ABCG1: variants seen among roughly 807,000 people sequenced by gnomAD.
ABCG1 encodes the protein ATP-binding cassette sub-family G member 1.
In ABCG1, 29 loss-of-function variants were observed where a neutral mutation model predicts 69.2. The ratio of observed to expected loss-of-function variants is 0.42; its 90% confidence interval spans 0.31 to 0.57. The LOEUF is 0.57. Among genes scored for constraint, ABCG1 ranks in the 20% least tolerant of loss-of-function variants. ABCG1 has a pLI of 0.15. For synonymous variants in ABCG1, 370 were observed against 374.8 expected (o/e 0.99, Z 0.15); for missense variants, 718 against 898.1 (o/e 0.80, Z 2.56).
chr21:42,272,592 A>G (rs1178626031), intron 3 of ABCG1, among the ~76,000 whole-genome samples: 1 of 152,234 alleles, frequency 6.6e-6, no homozygotes, highest in Non-Finnish European at 1.5e-5. Context: ...CACAGTGTGT[A>G]GACTGCCTGT....
intron 2 of ABCG1, among the ~76,000 whole-genome samples, chr21:42,243,489 T>TGTGTGTGC (rs992407170): frequency 7.2e-6 from 1 of 139,784 alleles, no homozygotes; most frequent in Non-Finnish European, 1.5e-5. Flanking sequence ...TGTGTGTGTG[T>TGTGTGTGC]GCGCTGGTTT....
intron 2 of ABCG1, among the ~76,000 whole-genome samples, chr21:42,263,152 G>A (rs767039750): frequency 2.6e-5 from 4 of 152,168 alleles, no homozygotes; most frequent in East Asian, 1.9e-4. Context: ...CTTCTAGACC[G>A]GAACCACCTT....
chr21:42,236,085 A>G (rs977968438), intron 2 of ABCG1, among the ~76,000 whole-genome samples: 2 of 152,130 alleles, frequency 1.3e-5, no homozygotes, highest in Non-Finnish European at 2.9e-5. Flanking sequence ...GGTTGATCCA[A>G]GCATGTCTGA....
intron 2 of ABCG1, chr21:42,259,930 A>G: frequency 6.8e-7 from 1 of 1,465,502 alleles, no homozygotes; most frequent in Non-Finnish European, 9.0e-7. Flanking sequence ...GAAGCTCAGC[A>G]GCTGTGGGTT....
chr21:42,260,501 T>C (rs1205034563), intron 2 of ABCG1, among the ~76,000 whole-genome samples: 1 of 152,084 alleles, frequency 6.6e-6, no homozygotes, highest in Non-Finnish European at 1.5e-5. Context: ...TCTAAAACCA[T>C]GTTATTTAGG....
intron 4 of ABCG1, among the ~76,000 whole-genome samples, chr21:42,275,596 C>G (rs1439746670): frequency 6.6e-6 from 1 of 152,216 alleles, no homozygotes; most frequent in Admixed American, 6.5e-5. Context: ...GCCACATGCT[C>G]GAGACCCTTC....
chr21:42,274,999 C>T (rs190879297), intron 4 of ABCG1, among the ~76,000 whole-genome samples: 6 of 152,222 alleles, frequency 3.9e-5, no homozygotes, highest in African/African-American at 1.4e-4. Context: ...TCTCTCCTGG[C>T]ACCCTAGGGG....
At chr21:42,250,735 T>C (rs71320516) in intron 2 of ABCG1, among the ~76,000 whole-genome samples, 4,923 of 152,310 alleles carry the variant, frequency 0.032, 91 homozygotes, top group African/African-American at 0.05. Context: ...CTGAGTCTCA[T>C]TTTCACTGAT....
intron 2 of ABCG1, among the ~76,000 whole-genome samples, chr21:42,227,202 T>G (rs2067830780): frequency 6.6e-6 from 1 of 152,202 alleles, no homozygotes; most frequent in African/African-American, 2.4e-5. Context: ...AGCACTGTGA[T>G]GTGATACTTG....
exon 2 of ABCG1, chr21:42,201,702 A>G (rs2067507723): frequency 6.2e-7 from 1 of 1,613,960 alleles, no homozygotes. Context: ...GGTGGACAAA[A>G]CAGAGAAAGC....
At chr21:42,208,944 G>T (rs2067564905) in intron 2 of ABCG1, among the ~76,000 whole-genome samples, 1 of 152,168 alleles carries the variant, frequency 6.6e-6, no homozygotes, top group Non-Finnish European at 1.5e-5. Context: ...ACTGCCCCAG[G>T]CCCTCCTGGA....
chr21:42,224,075 C>T (rs540191635), intron 1 of ABCG1, among the ~76,000 whole-genome samples: 1 of 152,318 alleles, frequency 6.6e-6, no homozygotes, highest in South Asian at 2.1e-4. Flanking sequence ...CATCTGCCAG[C>T]AGGATTGGGT....
In ABCG1 at chr21:42,219,182, G is replaced by C; in HGVS notation, c.-81G>C. On this transcript the variant is annotated 5_prime_UTR_variant, in exon 1 of 15. Coordinates refer to ENST00000398449, the MANE Select transcript of ABCG1 (RefSeq NM_016818.3). The surrounding 1 kb of genome is among the most constrained non-coding windows in gnomAD (Gnocchi z 5.3). ...CGCACCCCGCGCAGCGGCTGAGCCG[G>C]GAGCCAGCGCAGCCTCGGCCCCGCA... The C allele has an allele frequency of 8.2e-7, 1 of 1,217,796 alleles. No individual in the cohort carries two copies. Among genetic ancestry groups the C allele is most frequent in the Non-Finnish European group, 1.0e-6 (1 of 967,766 alleles). The allele number at this position is 1,217,796 out of a possible 1,614,324, so 75.4% of individuals were successfully genotyped here. A position where few individuals can be genotyped will look rare whatever the true frequency, so the allele number is the denominator to read the frequency against.
chr21:42,282,768 G>C (rs1487371157), intron 6 of ABCG1, among the ~76,000 whole-genome samples: 1 of 152,234 alleles, frequency 6.6e-6, no homozygotes, highest in African/African-American at 2.4e-5. Context: ...TGTGTCTTCA[G>C]GTGTGTTCTG....
chr21:42,263,988 CGCGGGGCATGATAATCAAGAA>C (rs1011889694), intron 2 of ABCG1, among the ~76,000 whole-genome samples: 5 of 152,184 alleles, frequency 3.3e-5, no homozygotes, highest in African/African-American at 1.2e-4. Flanking sequence ...ATTCCAGGTT[CGCGGGGCATGATAATCAAGAA>C]GCTGGTCTTG....
chr21:42,264,911 C>T (rs1000485364), intron 2 of ABCG1, among the ~76,000 whole-genome samples: 3 of 152,164 alleles, frequency 2.0e-5, no homozygotes, highest in African/African-American at 4.8e-5. Flanking sequence ...ACCAGGACTC[C>T]ATCTCTGGCC....
intron 2 of ABCG1, among the ~76,000 whole-genome samples, chr21:42,257,516 G>A (rs1236089050): frequency 2.0e-5 from 3 of 152,190 alleles, no homozygotes; most frequent in Non-Finnish European, 4.4e-5. Flanking sequence ...CACCTGAAGC[G>A]TTCTTGTCCT....
intron 13 of ABCG1, among the ~76,000 whole-genome samples, chr21:42,292,922 TACTACAC>T (rs1240914374): frequency 1.1e-4 from 5 of 45,544 alleles, no homozygotes; most frequent in African/African-American, 4.4e-4. Flanking sequence ...ACACCACACA[TACTACAC>T]ACCACACACT....
At chr21:42,261,306 G>A (rs1048945765) in intron 2 of ABCG1, among the ~76,000 whole-genome samples, 2 of 152,184 alleles carry the variant, frequency 1.3e-5, no homozygotes, top group South Asian at 4.1e-4. Context: ...ACCCTGCTGT[G>A]CTCAGGCCAG....
Sources: gnomAD v4.1 joint callset for allele counts (sites outside exome capture counted in the v4.1 genomes callset) on GRCh38, gnomAD v4.1.1 for gene constraint, Gnocchi (gnomAD v3.1) non-coding constraint, MANE v1.5 for transcripts, NCBI Gene and HGNC (gene_info 2026-07-23, HGNC 2026-07-21) for gene names.